Variants in HIP1R observed in about 807,000 individuals in gnomAD.
HIP1R encodes the protein huntingtin interacting protein 1 related, also known as huntingtin-interacting protein 1-related protein.
A neutral mutation model predicts 144.2 loss-of-function variants in HIP1R; 135 were observed. The observed-to-expected ratio is 0.94, with a 90% CI of 0.81 to 1.08. The LOEUF is 1.08. HIP1R is among the 50% of genes least tolerant of loss of function. The probability of loss-of-function intolerance (pLI) is 0.00; values close to 1 mark genes in which losing one functional copy is unlikely to be tolerated. For missense variants in HIP1R, 1,462 were observed against 1,432.8 expected (o/e 1.02, Z -0.33); for synonymous variants, 698 against 612.8 (o/e 1.14, Z -2.05).
chr12:122,861,996 C>A lies in HIP1R; in HGVS notation c.*243C>A. On this transcript the variant is annotated 3_prime_UTR_variant, in exon 32 of 32. Transcript: ENST00000253083. ...GGAACTTTGGGGTGCAGCCAGGACCCGGTAGGCCTGAGCCTCAACTCTTCA... is the reference window on the plus strand; with the variant it reads ...GGAACTTTGGGGTGCAGCCAGGACCAGGTAGGCCTGAGCCTCAACTCTTCA... 2.0e-6 allele frequency: 1 copy of A among 509,912 alleles called. No homozygotes were observed. Among genetic ancestry groups the A allele is most frequent in the East Asian group, 3.2e-5 (1 of 31,310 alleles). 31.6% of individuals were successfully genotyped at this position (509,912 alleles called of 1,614,324 possible). A position where few individuals can be genotyped will look rare whatever the true frequency, so the allele number is the denominator to read the frequency against.
Position 122,855,980 on chromosome 12 carries a change from G to A in HIP1R, c.1129G>A (p.Ala377Thr), listed in dbSNP as rs1373553812. 1.3e-6 allele frequency: 2 copies of A among 1,584,834 alleles called. No individual in the cohort carries two copies. Among genetic ancestry groups the A allele is most frequent in the Non-Finnish European group, 1.7e-6 (2 of 1,166,056 alleles). ...RSELEKIKLE[A>T]QRYIAQLKSQ... ...CCCCACGTCACACCTCCTCCCGCAG[G>A]CCCAGCGGTACATCGCGCAGCTGAA... The change falls in exon 14 of 32, where the codon GCC becomes ACC. Residue 377 changes from alanine (A) to threonine (T), a missense_variant and splice_region_variant. Physicochemically the swap from Ala to Thr is moderately conservative, Grantham distance 58. Coordinates refer to ENST00000253083, the MANE Select transcript of HIP1R (RefSeq NM_003959.3).
intron 1 of HIP1R, among the ~76,000 whole-genome samples, chr12:122,837,984 C>T (rs1034829209): frequency 1.3e-5 from 2 of 152,144 alleles, no homozygotes; most frequent in Admixed American, 6.5e-5. Flanking sequence ...CTTTGTAATA[C>T]GCTGCTTGTC....
intron 23 of HIP1R, 45 bp downstream of exon 23, chr12:122,859,581 G>C (rs200111958): frequency 2.0e-6 from 3 of 1,501,536 alleles, no homozygotes; most frequent in East Asian, 2.3e-5. Context: ...GTGGAGCTTT[G>C]GGGGCCGGAG....
chr12:122,858,171 G>A lies in HIP1R; in HGVS notation c.1885G>A (p.Ala629Thr), dbSNP rs2033651183. Residue 629 changes from alanine (A) to threonine (T), a missense_variant, in exon 19 of 32, where the codon GCC (alanine) becomes ACC (threonine). Physicochemically the swap from Ala to Thr is moderately conservative, Grantham distance 58 (BLOSUM62 0). Around this residue, in one of 2 missense-constraint regions of HIP1R, gnomAD observed 1,112 missense variants for 1,011.7 expected, o/e 1.10. Transcript: ENST00000253083. ...GTTCGCAGTGTTGCGGGGCGCTGCT[G>A]CCGAGGCCGCGGGCATCCTGCAGGA... The part of the protein sequence containing the change: ...EQFAVLRGAA[A>T]EAAGILQDAV... 1 of 1,607,212 alleles carries A rather than the reference G, an allele frequency of 6.2e-7. No homozygotes were observed. The highest frequency in any genetic ancestry group is 8.5e-7 in the Non-Finnish European group (1 of 1,178,428).
At chr12:122,850,145 TC>T in intron 5 of HIP1R, 190 bp downstream of exon 5, 1 of 693,890 alleles carries the variant, frequency 1.4e-6, no homozygotes, top group Non-Finnish European at 2.6e-6. Flanking sequence ...CTAGAACACT[TC>T]AGGCATTTCC....
chr12:122,860,089 T>G lies in HIP1R; in HGVS notation c.2496+12T>G. 6.3e-7 allele frequency: 1 copy of G among 1,577,530 alleles called. No individual in the cohort carries two copies. The highest frequency in any genetic ancestry group is 8.6e-7 in the Non-Finnish European group (1 of 1,162,488). On this transcript the variant is annotated intron_variant, in intron 25 of 31. Coordinates refer to ENST00000253083, the MANE Select transcript of HIP1R (RefSeq NM_003959.3). ...CAGACCTGATGAAGGTGAGGGGCTGTGACCCGGGGGGGTCTGCACCTGGAG... is the reference window on the plus strand; with the variant it reads ...CAGACCTGATGAAGGTGAGGGGCTGGGACCCGGGGGGGTCTGCACCTGGAG...
intron 1 of HIP1R, among the ~76,000 whole-genome samples, chr12:122,841,666 T>G (rs1364921784): frequency 6.6e-6 from 1 of 152,186 alleles, no homozygotes; most frequent in Non-Finnish European, 1.5e-5. Context: ...TGACTCAGGC[T>G]CCTGGCTTTT....
Position 122,841,614 on chromosome 12 carries a change from A to G in HIP1R, c.93+5971A>G, listed in dbSNP as rs1192742552. Among the ~76,000 whole-genome samples, 4 of 152,244 alleles carry G rather than the reference A, an allele frequency of 2.6e-5. No individual in the cohort carries two copies. The East Asian group carries it at 7.7e-4, about 29-fold the overall frequency. On this transcript the variant is annotated intron_variant, in intron 1 of 31. Transcript: ENST00000253083. Reference sequence around the variant, plus strand: ...AGATTGTTTTTTCTCTGGCTAAAATAAACATGATCCTCAAACTGCAGTAGG... The same window carrying G: ...AGATTGTTTTTTCTCTGGCTAAAATGAACATGATCCTCAAACTGCAGTAGG...
At chr12:122,861,107 C>T (rs201639397) in intron 29 of HIP1R, 24 bp from the exon 30 acceptor site, 2 of 1,613,426 alleles carry the variant, frequency 1.2e-6, no homozygotes, top group Admixed American at 1.7e-5. Flanking sequence ...CCCAGATGTT[C>T]ACCCCCTTGT....
intron 6 of HIP1R, 38 bp from the exon 7 acceptor site, chr12:122,851,198 C>T (rs768457001): frequency 5.1e-5 from 76 of 1,477,130 alleles, no homozygotes; most frequent in Non-Finnish European, 6.6e-5. Flanking sequence ...TGGGTCCACC[C>T]ACCCTTTTTC....
Position 122,858,866 on chromosome 12 carries a change from C to T in HIP1R, c.2079C>T (p.Thr693=). ...ADASALVAAL[T]RFSHLAADTI... ...CCTCCGCCCTGGTGGCAGCTCTGAC[C>T]CGCTTCTCCCACCTGGCTGCGGATA... The change falls in exon 21 of 32, where the codon ACC becomes ACT. Residue 693 remains threonine, a synonymous_variant. Coordinates refer to ENST00000253083, the MANE Select transcript of HIP1R (RefSeq NM_003959.3). 3.1e-6 allele frequency: 5 copies of T among 1,613,280 alleles called. No individual in the cohort carries two copies. Among genetic ancestry groups the T allele is most frequent in the Non-Finnish European group, 4.2e-6 (5 of 1,180,004 alleles).
chr12:122,835,789 C>A, intron 1 of HIP1R, 146 bp downstream of exon 1: 1 of 406,956 alleles, frequency 2.5e-6, no homozygotes. Flanking sequence ...TGTGTCCGCC[C>A]GGGCTCTCCG....
chr12:122,838,004 C>G (rs1280185345), intron 1 of HIP1R, among the ~76,000 whole-genome samples: 1 of 150,798 alleles, frequency 6.6e-6, no homozygotes, highest in Non-Finnish European at 1.5e-5. Context: ...CTTGCATTGA[C>G]CACAGCACTG....
chr12:122,848,785 C>T lies in HIP1R; in HGVS notation c.301-11C>T. 6.2e-7 allele frequency: 1 copy of T among 1,613,176 alleles called. No individual in the cohort carries two copies. ...GGACACTCCCCCACTCCCGTATTCC[C>T]TGCGCTGCAGGTGCTGCATGACTGC... On this transcript the variant is annotated splice_polypyrimidine_tract_variant and intron_variant, in intron 3 of 31. Transcript: ENST00000253083.
chr12:122,857,952 G>A, intron 18 of HIP1R, 150 bp from the exon 19 acceptor site: 1 of 629,532 alleles, frequency 1.6e-6, no homozygotes, highest in Non-Finnish European at 2.7e-6. Context: ...TGCACTGTGT[G>A]GGAAGCCTCT....
rs900625815 is a variant in HIP1R at position 122,840,192 on chromosome 12, C to T, written c.93+4549C>T. Among the ~76,000 whole-genome samples the T allele has an allele frequency of 6.6e-6, 1 of 152,240 alleles. No homozygotes were observed. Among genetic ancestry groups the T allele is most frequent in the Non-Finnish European group, 1.5e-5 (1 of 68,040 alleles). ...AGCTATTCCAGAGGCTGTTCTTGGT[C>T]CAGGTTGGGGTGGGAAGGGGCCACC... On this transcript the variant is annotated intron_variant, in intron 1 of 31. Transcript: ENST00000253083. This position sits in a 1 kb window ranked among gnomAD's most constrained non-coding sequence, Gnocchi z 4.2.
At chr12:122,859,861 G>A (rs774442797) in intron 24 of HIP1R, 31 bp downstream of exon 24, 1 of 1,597,882 alleles carries the variant, frequency 6.3e-7, no homozygotes, top group East Asian at 2.2e-5. Flanking sequence ...CCCAGGCCCA[G>A]CCGAGGTGGG....
intron 1 of HIP1R, 106 bp downstream of exon 1, chr12:122,835,749 A>T (rs1593854151): frequency 4.6e-5 from 18 of 395,546 alleles, no homozygotes; most frequent in Non-Finnish European, 5.8e-5. Context: ...GGCGCCGGCC[A>T]GGGGCGGGGG....
rs756695315 is a variant in HIP1R at position 122,857,052 on chromosome 12, C to G, written c.1652C>G (p.Thr551Arg). 5.2e-6 allele frequency: 8 copies of G among 1,550,646 alleles called. No homozygotes were observed. The highest frequency in any genetic ancestry group is 7.0e-6 in the Non-Finnish European group (8 of 1,147,626). Residue 551 changes from threonine (T) to arginine (R), a missense_variant, in exon 18 of 32, where the codon ACG (threonine) becomes AGG (arginine). This residue lies in a region of HIP1R where 1,112 missense variants were observed against 1,011.7 expected (regional missense o/e 1.10). Coordinates refer to ENST00000253083, the MANE Select transcript of HIP1R (RefSeq NM_003959.3). ...TCGGAGCTGAGCTCACGGCTGGACA[C>G]GCTGAGTGCGGAGAAGGATGCTCTG... The part of the protein sequence containing the change: ...SKSELSSRLD[T>R]LSAEKDALSG...
Sources: allele counts gnomAD v4.1 joint callset (sites outside exome capture counted in the v4.1 genomes callset), GRCh38; gene constraint gnomAD v4.1.1; regional missense constraint gnomAD v4.1.1; non-coding constraint Gnocchi (gnomAD v3.1); transcripts MANE v1.5; gene names NCBI Gene and HGNC (gene_info 2026-07-23, HGNC 2026-07-21).